Variants in ATG10 observed in about 807,000 individuals in gnomAD.
The protein encoded by ATG10 is ubiquitin-like-conjugating enzyme ATG10.
ATG10 carries 30 observed loss-of-function variants against 32.1 expected under a neutral mutation model. That is an observed-to-expected ratio of 0.94 (90% CI 0.70 to 1.27). ATG10 has a LOEUF of 1.27. Ranked by LOEUF, ATG10 falls within the 50% of genes most tolerant of loss-of-function variation. The probability of loss-of-function intolerance (pLI) is 0.00; values close to 1 mark genes in which losing one functional copy is unlikely to be tolerated. For synonymous variants in ATG10, 87 were observed against 91.5 expected, an observed-to-expected ratio of 0.95 and a Z score of 0.28; for missense variants, 233 against 262.3, an observed-to-expected ratio of 0.89 and a Z score of 0.77.
intron 2 of ATG10, among the ~76,000 whole-genome samples, chr5:82,000,096 C>T (rs1221396943): frequency 6.6e-6 from 1 of 152,100 alleles, no homozygotes; most frequent in Non-Finnish European, 1.5e-5. Context: ...CATCCAGCAG[C>T]ACATCAAAAA....
intron 2 of ATG10, among the ~76,000 whole-genome samples, chr5:82,034,161 A>T (rs1264887824): frequency 6.6e-6 from 1 of 151,926 alleles, no homozygotes. Flanking sequence ...AACCAAATTG[A>T]CATTCCATTT....
rs538190354 is a variant in ATG10 at position 81,986,231 on chromosome 5, G to A, written c.-12-1328G>A. ...TACTTTGATGTTTGGTTTGTTTAAC[G>A]TTTAATTACAGTATATATTTATGAT... On this transcript the variant is annotated intron_variant, in intron 1 of 7. Coordinates refer to ENST00000282185, the MANE Select transcript of ATG10 (RefSeq NM_031482.5). Among the ~76,000 whole-genome samples, 177 of 152,226 alleles carry A rather than the reference G, an allele frequency of 1.2e-3. 2 individuals carry two copies. The highest frequency in any genetic ancestry group is 2.3e-3 in the Admixed American group (35 of 15,298).
intron 3 of ATG10, among the ~76,000 whole-genome samples, chr5:82,123,547 G>A (rs985829358): frequency 4.6e-5 from 7 of 150,960 alleles, no homozygotes; most frequent in African/African-American, 1.7e-4. Flanking sequence ...AGCATAATTA[G>A]ATGGGTCCTT....
At chr5:82,228,416 A>G (rs1407826925) in intron 5 of ATG10, among the ~76,000 whole-genome samples, 1 of 152,220 alleles carries the variant, frequency 6.6e-6, no homozygotes, top group Admixed American at 6.5e-5. Context: ...AAATGGCCAC[A>G]GGAAATTTTA....
chr5:82,222,905 G>A (rs764342704), intron 5 of ATG10, among the ~76,000 whole-genome samples: 30 of 152,226 alleles, frequency 2.0e-4, no homozygotes, highest in Non-Finnish European at 3.8e-4. Flanking sequence ...CACACTACCC[G>A]TGATATAGTC....
At chr5:82,196,837 C>T (rs1451979356) in intron 5 of ATG10, among the ~76,000 whole-genome samples, 2 of 152,174 alleles carry the variant, frequency 1.3e-5, no homozygotes, top group Non-Finnish European at 2.9e-5. Context: ...AGCCCACCAA[C>T]TTTGTTCTTC....
At chr5:82,107,438 T>C (rs1202517936) in intron 3 of ATG10, among the ~76,000 whole-genome samples, 1 of 152,070 alleles carries the variant, frequency 6.6e-6, no homozygotes, top group African/African-American at 2.4e-5. Flanking sequence ...TTCTTTGTGG[T>C]GTTATTGTTC....
chr5:82,138,521 C>G (rs1229390738), intron 3 of ATG10, among the ~76,000 whole-genome samples: 1 of 152,068 alleles, frequency 6.6e-6, no homozygotes, highest in Middle Eastern at 3.2e-3. Flanking sequence ...CAGGTGATGC[C>G]TTACCCTGCC....
intron 3 of ATG10, among the ~76,000 whole-genome samples, chr5:82,124,150 C>CAT (rs1766158212): frequency 6.7e-6 from 1 of 148,738 alleles, no homozygotes; most frequent in Admixed American, 6.7e-5. Flanking sequence ...TTGGCTGACA[C>CAT]TTGCCACCAC....
At chr5:81,972,798 A>G (rs1370372256) in intron 1 of ATG10, among the ~76,000 whole-genome samples, 1 of 152,184 alleles carries the variant, frequency 6.6e-6, no homozygotes. Context: ...AAAATCAAGA[A>G]TTGGCGGGGA....
At chr5:82,219,043 T>C (rs1231010534) in intron 5 of ATG10, among the ~76,000 whole-genome samples, 1 of 152,240 alleles carries the variant, frequency 6.6e-6, no homozygotes, top group Non-Finnish European at 1.5e-5. Flanking sequence ...AATTCTGTAA[T>C]ATCTTACTTA....
intron 2 of ATG10, among the ~76,000 whole-genome samples, chr5:82,054,153 T>C (rs972282838): frequency 6.6e-6 from 1 of 152,174 alleles, no homozygotes; most frequent in Non-Finnish European, 1.5e-5. Context: ...AGGTAGATTC[T>C]GACTTAATTG....
At chr5:82,050,330 A>C (rs973886423) in intron 2 of ATG10, among the ~76,000 whole-genome samples, 3 of 152,002 alleles carry the variant, frequency 2.0e-5, no homozygotes, top group Non-Finnish European at 4.4e-5. Flanking sequence ...CTGATTTCTC[A>C]TCTTTGGACA....
chr5:81,995,534 G>A (rs1366667344), intron 2 of ATG10, among the ~76,000 whole-genome samples: 2 of 152,058 alleles, frequency 1.3e-5, no homozygotes, highest in Non-Finnish European at 2.9e-5. Context: ...TGCCTGTTTT[G>A]TGCTACCTTA....
intron 3 of ATG10, among the ~76,000 whole-genome samples, chr5:82,125,907 G>A (rs147038016): frequency 1.3e-4 from 20 of 152,316 alleles, no homozygotes; most frequent in South Asian, 1.2e-3. Context: ...CTATCCATGA[G>A]CATGGAATGT....
intron 5 of ATG10, among the ~76,000 whole-genome samples, chr5:82,200,667 T>C (rs1488398620): frequency 1.3e-5 from 2 of 150,868 alleles, no homozygotes; most frequent in Non-Finnish European, 3.0e-5. Flanking sequence ...AACATTGGAT[T>C]TTTTTTAAAT....
chr5:82,215,665 G>A (rs1271475646), intron 5 of ATG10, among the ~76,000 whole-genome samples: 5 of 152,100 alleles, frequency 3.3e-5, no homozygotes, highest in Admixed American at 3.3e-4. Flanking sequence ...GCCAGACACG[G>A]TGGCTCACAC....
At chr5:82,125,375 G>A (rs1399885297) in intron 3 of ATG10, among the ~76,000 whole-genome samples, 2 of 152,148 alleles carry the variant, frequency 1.3e-5, no homozygotes, top group African/African-American at 4.8e-5. Flanking sequence ...CCTAAGTCCT[G>A]AATAGTATTG....
intron 5 of ATG10, among the ~76,000 whole-genome samples, chr5:82,191,679 A>G (rs1744667848): frequency 6.6e-6 from 1 of 152,318 alleles, no homozygotes; most frequent in African/African-American, 2.4e-5. Context: ...CTTCTCCCAC[A>G]ATAACAATCT....
Sources: allele counts gnomAD v4.1 joint callset (sites outside exome capture counted in the v4.1 genomes callset), GRCh38; gene constraint gnomAD v4.1.1; transcripts MANE v1.5; gene names NCBI Gene and HGNC (gene_info 2026-07-23, HGNC 2026-07-21).